SLC12A7: variants seen among roughly 807,000 people sequenced by gnomAD.
SLC12A7 encodes the protein K-Cl cotransporter 4.
A neutral mutation model predicts 120.6 loss-of-function variants in SLC12A7; 100 were observed. The observed-to-expected ratio is 0.83, with a 90% CI of 0.71 to 0.98. The LOEUF is 0.98. Ranked by LOEUF, SLC12A7 falls within the 50% of genes least tolerant of loss-of-function variation. The pLI is 0.00. For synonymous variants in SLC12A7, 760 were observed against 678.0 expected (o/e 1.12, Z -1.88); for missense variants, 1,373 against 1,548.1 (o/e 0.89, Z 1.90).
At chr5:1,084,597 G>A (rs921559796) in intron 7 of SLC12A7, among the ~76,000 whole-genome samples, 4 of 152,234 alleles carry the variant, frequency 2.6e-5, no homozygotes, top group Admixed American at 6.5e-5. Flanking sequence ...ACGGGTCCCC[G>A]AGGGGGAGGG....
At chr5:1,144,745 G>A in the SLC12A7 span, among the ~76,000 whole-genome samples, 1 of 152,244 alleles carries the variant, frequency 6.6e-6, no homozygotes, top group Non-Finnish European at 1.5e-5. Flanking sequence ...GAAAATTACA[G>A]GCAAGGAAGC....
chr5:1,154,454 C>T, the SLC12A7 span, among the ~76,000 whole-genome samples: 1 of 152,112 alleles, frequency 6.6e-6, no homozygotes, highest in South Asian at 2.1e-4. Context: ...AATATAGACA[C>T]ACACACCTCA....
Position 1,076,169 on chromosome 5 carries a change from TG to T in SLC12A7, c.1815del (p.Asn606ThrfsTer18), listed in dbSNP as rs1473444927. On this transcript the variant is annotated frameshift_variant, in exon 14 of 24. Coordinates refer to ENST00000264930, the MANE Select transcript of SLC12A7 (RefSeq NM_006598.3). LOFTEE classifies it high-confidence loss of function. ...ACAVQTLLRTPNWRPRFKFYH... is the reference protein window; with the variant it reads ...ACAVQTLLRTXNWRPRFKFYH... Reference sequence around the variant, plus strand: ...TAGAACTTGAAGCGTGGACGCCAGTTGGGGGTACGTAGCAGGGTCTGCACGG... The same window carrying T: ...TAGAACTTGAAGCGTGGACGCCAGTTGGGGTACGTAGCAGGGTCTGCACGG... The T allele has an allele frequency of 1.2e-6, 2 of 1,612,266 alleles. No homozygotes were observed.
chr5:1,075,176 C>T (rs1022568668), intron 15 of SLC12A7, among the ~76,000 whole-genome samples, 195 bp downstream of exon 15: 2 of 152,214 alleles, frequency 1.3e-5, no homozygotes, highest in African/African-American at 2.4e-5. Context: ...GCAGGCACCT[C>T]GGCCTGGCTG....
At chr5:1,082,877 G>A (rs1434096176) in intron 8 of SLC12A7, among the ~76,000 whole-genome samples, 1 of 147,544 alleles carries the variant, frequency 6.8e-6, no homozygotes, top group Non-Finnish European at 1.5e-5. Flanking sequence ...GGAAAGTCCA[G>A]GCTTCCCGTC....
chr5:1,142,963 C>T, the SLC12A7 span, among the ~76,000 whole-genome samples: 4 of 116,756 alleles, frequency 3.4e-5, no homozygotes, highest in Non-Finnish European at 1.9e-5. Flanking sequence ...CCCTGGGCCC[C>T]AGGCCCCGGG....
the SLC12A7 span, among the ~76,000 whole-genome samples, chr5:1,134,698 C>T: frequency 1.3e-5 from 2 of 152,028 alleles, no homozygotes. Flanking sequence ...AGCAGGGACT[C>T]GAACAGATAT....
At chr5:1,066,952 A>G (rs1737118998) in intron 17 of SLC12A7, among the ~76,000 whole-genome samples, 1 of 152,116 alleles carries the variant, frequency 6.6e-6, no homozygotes, top group Non-Finnish European at 1.5e-5. Context: ...CAGGGATCAG[A>G]GCCACCACCT....
At chr5:1,073,354 A>T (rs1561055420) in intron 17 of SLC12A7, among the ~76,000 whole-genome samples, 1 of 152,218 alleles carries the variant, frequency 6.6e-6, no homozygotes, top group Admixed American at 6.5e-5. Flanking sequence ...AACCATGATT[A>T]CGGCTCTGGA....
In SLC12A7 at chr5:1,064,240, T is replaced by C. The variant is rs753076014; in HGVS notation, c.2450A>G (p.Asp817Gly). The C allele has an allele frequency of 2.0e-5, 32 of 1,610,330 alleles. No individual in the cohort carries two copies. The highest frequency in any genetic ancestry group is 3.3e-5 in the Admixed American group (2 of 59,708). Reference protein sequence around the residue: ...SWKNFVDTVRDTTAAHQALLV... With the variant: ...SWKNFVDTVRGTTAAHQALLV... ...CAGAGCCTGGTGCGCGGCGGTGGTG[T>C]CGCGGACGGTGTCTGCGGAGAGAGG... Residue 817 changes from aspartate to glycine, a missense_variant, in exon 19 of 24, where the codon GAC becomes GGC. Physicochemically the swap from Asp to Gly is moderately conservative, Grantham distance 94. Transcript: ENST00000264930.
At chr5:1,077,809 C>T in intron 12 of SLC12A7, 24 bp downstream of exon 12, 2 of 1,547,282 alleles carry the variant, frequency 1.3e-6, no homozygotes, top group Non-Finnish European at 1.7e-6. Flanking sequence ...TCCAGGGTCC[C>T]CCCGACGAGG....
chr5:1,075,356 G>A lies in SLC12A7; in HGVS notation c.1967+15C>T. Reference sequence around the variant, plus strand: ...CCCGTGCGCCGGGTCTGTAAGGGGGGCTGACAGCGCTTACCCGCGGTACTC... The same window carrying A: ...CCCGTGCGCCGGGTCTGTAAGGGGGACTGACAGCGCTTACCCGCGGTACTC... On this transcript the variant is annotated intron_variant, in intron 15 of 23. Coordinates refer to ENST00000264930, the MANE Select transcript of SLC12A7 (RefSeq NM_006598.3). The A allele has an allele frequency of 1.2e-6, 2 of 1,606,234 alleles. No individual in the cohort carries two copies. The highest frequency in any genetic ancestry group is 1.7e-6 in the Non-Finnish European group (2 of 1,174,646).
the SLC12A7 span, among the ~76,000 whole-genome samples, chr5:1,127,745 C>G: frequency 1.3e-5 from 2 of 152,250 alleles, no homozygotes; most frequent in African/African-American, 4.8e-5. Context: ...CTTTGCCCCC[C>G]TCCTGCACAT....
Position 1,077,839 on chromosome 5 carries a change from G to C in SLC12A7, c.1623C>G (p.Phe541Leu), listed in dbSNP as rs573347786. The change falls in exon 12 of 24, where the codon TTC becomes TTG. Residue 541 changes from phenylalanine (F) to leucine (L), a missense_variant. Coordinates refer to ENST00000264930, the MANE Select transcript of SLC12A7 (RefSeq NM_006598.3). Reference sequence around the variant, plus strand: ...ACGAGGGTGCGGGACTCACCTGCAGGAAGGGGACGATGCCGTCACGGGCAA... The same window carrying C: ...ACGAGGGTGCGGGACTCACCTGCAGCAAGGGGACGATGCCGTCACGGGCAA... ...QAIARDGIVP[F>L]LQVFGHGKAN... The C allele has an allele frequency of 1.7e-5, 27 of 1,586,480 alleles. No individual in the cohort carries two copies. Among genetic ancestry groups the C allele is most frequent in the Middle Eastern group, 3.4e-4 (2 of 5,824 alleles).
Position 1,077,899 on chromosome 5 carries a change from C to A in SLC12A7, c.1563G>T (p.Gln521His). 1 of 1,599,614 alleles carries A rather than the reference C, an allele frequency of 6.3e-7. No individual in the cohort carries two copies. The highest frequency in any genetic ancestry group is 2.3e-5 in the East Asian group (1 of 44,046). ...GTAGGCGCGGTGCCCCCGTGAGGCT[C>A]TGCAGGCCGGCACCGCAGGTGGAGA... ...SFFSTCGAGL[Q>H]SLTGAPRLLQ... is the part of the protein sequence containing the mutation. Residue 521 changes from glutamine to histidine, a missense_variant, in exon 12 of 24, where the codon CAG becomes CAT. Coordinates refer to ENST00000264930, the MANE Select transcript of SLC12A7 (RefSeq NM_006598.3).
At chr5:1,147,251 C>T in the SLC12A7 span, among the ~76,000 whole-genome samples, 1 of 85,406 alleles carries the variant, frequency 1.2e-5, no homozygotes, top group Non-Finnish European at 2.4e-5. Context: ...CACCCCGCCA[C>T]CCCCCCCGCC....
At chr5:1,053,236 T>TGAAGG (rs1324956113) in intron 23 of SLC12A7, 113 bp downstream of exon 23, 1 of 1,367,174 alleles carries the variant, frequency 7.3e-7, no homozygotes, top group Non-Finnish European at 1.0e-6. Context: ...AGCCTGGGGC[T>TGAAGG]GAAGGAGAGG....
intron 1 of SLC12A7, among the ~76,000 whole-genome samples, chr5:1,110,604 G>T (rs1033295945): frequency 6.6e-6 from 1 of 152,266 alleles, no homozygotes; most frequent in Non-Finnish European, 1.5e-5. Context: ...CGTTCCGGGG[G>T]CGTTGCTACA....
At chr5:1,096,623 A>T (rs1490460833) in intron 1 of SLC12A7, among the ~76,000 whole-genome samples, 3 of 147,172 alleles carry the variant, frequency 2.0e-5, no homozygotes, top group Admixed American at 2.0e-4. Flanking sequence ...TCAATGGAAG[A>T]TGAAGGACCA....
Sources: allele counts gnomAD v4.1 joint callset (sites outside exome capture counted in the v4.1 genomes callset), GRCh38; gene constraint gnomAD v4.1.1; transcripts MANE v1.5; gene names NCBI Gene and HGNC (gene_info 2026-07-23, HGNC 2026-07-21).